PRP4K: variants seen among roughly 807,000 people sequenced by gnomAD.
PRP4K encodes pre-mRNA processing factor kinase PRP4K, also known as serine/threonine-protein kinase PRP4 homolog.
chr6:4,046,232 A>T, the PRP4K span, among the ~76,000 whole-genome samples: 1 of 152,224 alleles, frequency 6.6e-6, no homozygotes, highest in Non-Finnish European at 1.5e-5. Context: ...CTCTTTTATA[A>T]GGGTTGTACC....
the PRP4K span, among the ~76,000 whole-genome samples, chr6:4,059,611 G>T: frequency 6.7e-6 from 1 of 150,156 alleles, no homozygotes; most frequent in Non-Finnish European, 1.5e-5. Context: ...TTATCTTATT[G>T]TAAATTTTCA....
At chr6:4,037,477 G>A in the PRP4K span, 7 of 1,613,658 alleles carry the variant, frequency 4.3e-6, no homozygotes, top group South Asian at 2.2e-5. Flanking sequence ...TCTCCAACCC[G>A]AAGAAGAAGT....
At chr6:4,044,184 A>G in the PRP4K span, 1 of 649,940 alleles carries the variant, frequency 1.5e-6, no homozygotes, top group Non-Finnish European at 2.6e-6. Flanking sequence ...GTCCTTAGAA[A>G]TGTTCTCTAT....
chr6:4,043,588 C>G, the PRP4K span, among the ~76,000 whole-genome samples: 1 of 152,058 alleles, frequency 6.6e-6, no homozygotes, highest in African/African-American at 2.4e-5. Flanking sequence ...TCCAGTGCTG[C>G]CACCTGATGA....
the PRP4K span, among the ~76,000 whole-genome samples, chr6:4,045,933 A>G: frequency 6.6e-6 from 1 of 152,120 alleles, no homozygotes; most frequent in Non-Finnish European, 1.5e-5. Context: ...GTATGTGTGT[A>G]TATGTTGTAT....
chr6:4,022,339 T>C, the PRP4K span, among the ~76,000 whole-genome samples: 1 of 149,874 alleles, frequency 6.7e-6, no homozygotes, highest in East Asian at 1.9e-4. Context: ...GCTGCAAAGG[T>C]TAACCATTGG....
chr6:4,026,934 A>G, the PRP4K span, among the ~76,000 whole-genome samples: 1 of 152,124 alleles, frequency 6.6e-6, no homozygotes, highest in Non-Finnish European at 1.5e-5. Flanking sequence ...TATCTGGGGA[A>G]AGCATTCCTG....
the PRP4K span, among the ~76,000 whole-genome samples, chr6:4,023,327 C>G: frequency 1.3e-5 from 2 of 152,184 alleles, no homozygotes; most frequent in Non-Finnish European, 2.9e-5. Context: ...CTTTTAACAA[C>G]CCTATGGAGG....
At chr6:4,061,239 C>T in the PRP4K span, 1 of 153,076 alleles carries the variant, frequency 6.5e-6, no homozygotes, top group Admixed American at 6.5e-5. Context: ...TGGCAGAATT[C>T]CCTGCATGTG....
the PRP4K span, among the ~76,000 whole-genome samples, chr6:4,029,272 C>A: frequency 3.3e-5 from 5 of 151,160 alleles, no homozygotes; most frequent in Admixed American, 2.6e-4. Flanking sequence ...CCTTCTTTCT[C>A]TATTTGAAAT....
At chr6:4,062,541 T>C in the PRP4K span, 1 of 152,728 alleles carries the variant, frequency 6.5e-6, no homozygotes, top group Admixed American at 6.5e-5. This position sits in a 1 kb window ranked among gnomAD's most constrained non-coding sequence, Gnocchi z 4.2. Context: ...TAAATGGGAT[T>C]TTTTTATTCA....
At chr6:4,037,286 G>A in the PRP4K span, 1 of 1,033,216 alleles carries the variant, frequency 9.7e-7, no homozygotes, top group East Asian at 2.8e-5. Flanking sequence ...ATTAATCAAA[G>A]TTCACTTTCT....
chr6:4,031,488 G>A, the PRP4K span: 2 of 1,216,254 alleles, frequency 1.6e-6, no homozygotes, highest in Non-Finnish European at 2.3e-6. Flanking sequence ...TCTCATTACT[G>A]TTATTTTCTT....
the PRP4K span, among the ~76,000 whole-genome samples, chr6:4,038,488 T>A: frequency 2.0e-5 from 3 of 151,764 alleles, no homozygotes; most frequent in African/African-American, 4.8e-5. Context: ...AGATGGAGTT[T>A]CACTATGTTG....
the PRP4K span, chr6:4,047,365 G>A: frequency 1.1e-6 from 1 of 887,068 alleles, no homozygotes. Context: ...AACAGTGTGG[G>A]TGAAAGGAAT....
At chr6:4,032,667 C>A in the PRP4K span, 3 of 1,613,690 alleles carry the variant, frequency 1.9e-6, no homozygotes, top group East Asian at 2.2e-5. Context: ...ATCCCCCTCG[C>A]GGACACTGTC....
At chr6:4,040,434 CAAAG>C in the PRP4K span, among the ~76,000 whole-genome samples, 2 of 152,074 alleles carry the variant, frequency 1.3e-5, no homozygotes, top group Non-Finnish European at 2.9e-5. Context: ...TGTACGAATA[CAAAG>C]AAACAGTAGG....
chr6:4,032,292 A>C, the PRP4K span: 2 of 1,613,300 alleles, frequency 1.2e-6, no homozygotes, highest in East Asian at 2.2e-5. Flanking sequence ...CAGATCTCCT[A>C]CTGATGATAA....
At chr6:4,045,601 CTT>C in the PRP4K span, among the ~76,000 whole-genome samples, 3 of 152,132 alleles carry the variant, frequency 2.0e-5, no homozygotes, top group East Asian at 5.8e-4. Context: ...GGTTTATTAA[CTT>C]ATGATTTTAT....
Sources: gnomAD v4.1 joint callset for allele counts (sites outside exome capture counted in the v4.1 genomes callset) on GRCh38, gnomAD v4.1.1 for gene constraint, Gnocchi (gnomAD v3.1) non-coding constraint, MANE v1.5 for transcripts, NCBI Gene and HGNC (gene_info 2026-07-23, HGNC 2026-07-21) for gene names.